Variants in ITGB3BP observed in about 807,000 individuals in gnomAD.
The protein encoded by ITGB3BP is integrin subunit beta 3 binding protein.
Under a neutral mutation model 29.1 loss-of-function variants are expected in ITGB3BP, and 27 were observed. The ratio of observed to expected loss-of-function variants is 0.93; its 90% CI spans 0.68 to 1.28. The LOEUF (loss-of-function observed/expected upper bound fraction) is 1.28. Among genes scored for constraint, ITGB3BP ranks in the 50% most tolerant of loss-of-function variants. ITGB3BP has a pLI of 0.00. For missense variants in ITGB3BP, 192 were observed against 200.2 expected (o/e 0.96, Z 0.25); for synonymous variants, 61 against 61.4 (o/e 0.99, Z 0.03).
intron 3 of ITGB3BP, among the ~76,000 whole-genome samples, chr1:63,488,128 A>G (rs1645567531): frequency 6.6e-6 from 1 of 152,106 alleles, no homozygotes; most frequent in Non-Finnish European, 1.5e-5. Context: ...GGATTTAAAT[A>G]TAATATTAAG....
intron 4 of ITGB3BP, among the ~76,000 whole-genome samples, chr1:63,455,769 T>A (rs115858139): frequency 0.012 from 1,791 of 152,270 alleles, 38 homozygotes; most frequent in African/African-American, 0.041. Flanking sequence ...CACAGCTGTT[T>A]GTGATAATCT....
At chr1:63,515,871 C>T (rs1315579424) in intron 1 of ITGB3BP, among the ~76,000 whole-genome samples, 1 of 148,260 alleles carries the variant, frequency 6.7e-6, no homozygotes, top group East Asian at 2.0e-4. Flanking sequence ...CCAGCAACCA[C>T]CACACTACTG....
At chr1:63,451,886 C>A (rs949870644) in intron 7 of ITGB3BP, 1 of 151,950 alleles carries the variant, frequency 6.6e-6, no homozygotes. Flanking sequence ...GAATATAACA[C>A]ACAGTAGTAT....
At chr1:63,479,356 A>G (rs1349057788) in intron 3 of ITGB3BP, among the ~76,000 whole-genome samples, 1 of 152,188 alleles carries the variant, frequency 6.6e-6, no homozygotes, top group Admixed American at 6.5e-5. Flanking sequence ...CAATATTTAC[A>G]GTGTATAACA....
chr1:63,489,521 T>C (rs1286780695), intron 3 of ITGB3BP, among the ~76,000 whole-genome samples: 1 of 151,704 alleles, frequency 6.6e-6, no homozygotes, highest in Non-Finnish European at 1.5e-5. Context: ...AAACTAATAA[T>C]ATTTTAAAAT....
rs115136352 is a variant in ITGB3BP at position 63,507,891 on chromosome 1, A to C, written c.48+637T>G. 4.4e-3 allele frequency among the ~76,000 whole-genome samples: 668 copies of C among 152,300 alleles called. 3 individuals are homozygous for C. The highest frequency in any genetic ancestry group is 6.9e-3 in the Non-Finnish European group (470 of 68,010). On this transcript the variant is annotated intron_variant, in intron 2 of 8. Coordinates refer to ENST00000271002, the MANE Select transcript of ITGB3BP (RefSeq NM_014288.5). ...CTGCATTTAAGATTACTGAGGTCAT[A>C]AGTATCTCAGTATTAGTGTTTCTAT...
At chr1:63,486,863 A>T (rs1465818161) in intron 3 of ITGB3BP, among the ~76,000 whole-genome samples, 1 of 152,036 alleles carries the variant, frequency 6.6e-6, no homozygotes, top group Non-Finnish European at 1.5e-5. Context: ...TTGTGCAGAG[A>T]TTATCAGCAT....
Position 63,450,740 on chromosome 1 carries a change from T to G in ITGB3BP, c.484+3178A>C, listed in dbSNP as rs573125876. Reference sequence around the variant, plus strand: ...CCAGTGTTATTGAAGAAAGCAAAATTAGGCTTATTTCCTAAGTAACTGAAG... The same window carrying G: ...CCAGTGTTATTGAAGAAAGCAAAATGAGGCTTATTTCCTAAGTAACTGAAG... On this transcript the variant is annotated intron_variant, in intron 7 of 8. Coordinates refer to ENST00000271002, the MANE Select transcript of ITGB3BP (RefSeq NM_014288.5). 3.9e-5 allele frequency among the ~76,000 whole-genome samples: 6 copies of G among 152,066 alleles called. No individual in the cohort carries two copies. In the South Asian group the frequency reaches 1.2e-3, roughly 32 times the overall value.
chr1:63,523,148 A>G lies in ITGB3BP; in HGVS notation c.-15T>C, dbSNP rs771302047. The G allele has an allele frequency of 1.2e-5, 19 of 1,614,120 alleles. No individual in the cohort carries two copies. In the South Asian group the frequency reaches 1.6e-4, roughly 14 times the overall value. On this transcript the variant is annotated 5_prime_UTR_variant, in exon 1 of 9. Coordinates refer to ENST00000271002, the MANE Select transcript of ITGB3BP (RefSeq NM_014288.5). ...ACCTACGGCATTCTGAGATTCGGGA[A>G]AGCACCACTGCCGCTGAATAAAACG... is the stretch of plus-strand genomic sequence containing the variant.
chr1:63,448,698 C>A (rs1644822440), intron 7 of ITGB3BP, among the ~76,000 whole-genome samples: 1 of 152,064 alleles, frequency 6.6e-6, no homozygotes, highest in Admixed American at 6.6e-5. Context: ...CCAATTTCTA[C>A]TAAATGTGCC....
chr1:63,494,129 T>C (rs1645729155), intron 2 of ITGB3BP, among the ~76,000 whole-genome samples: 2 of 152,178 alleles, frequency 1.3e-5, no homozygotes, highest in African/African-American at 4.8e-5. Flanking sequence ...GAGTACTAGA[T>C]ACCAACCAAC....
At chr1:63,478,699 C>A in intron 4 of ITGB3BP, 65 bp downstream of exon 4, 1 of 781,682 alleles carries the variant, frequency 1.3e-6, no homozygotes, top group Non-Finnish European at 2.1e-6. Flanking sequence ...TAAACGGTCA[C>A]TTTAACAAAT....
intron 2 of ITGB3BP, among the ~76,000 whole-genome samples, chr1:63,503,693 G>C (rs1454157735): frequency 6.6e-6 from 1 of 152,120 alleles, no homozygotes; most frequent in Non-Finnish European, 1.5e-5. Context: ...TTTTTTATAA[G>C]GTGTAAGGAA....
chr1:63,480,964 T>C (rs914846448), intron 3 of ITGB3BP, among the ~76,000 whole-genome samples: 5 of 152,254 alleles, frequency 3.3e-5, no homozygotes, highest in African/African-American at 1.2e-4. Context: ...ACCCAAATTG[T>C]ACCTTAAACC....
chr1:63,524,283 CAT>C (rs1230554804), upstream of ITGB3BP, among the ~76,000 whole-genome samples: 4 of 152,218 alleles, frequency 2.6e-5, no homozygotes, highest in Admixed American at 2.0e-4. Flanking sequence ...TGCATGCACA[CAT>C]ATGTGTTTAG....
At chr1:63,493,070 C>CCCCACACA (rs1553164223) in intron 2 of ITGB3BP, among the ~76,000 whole-genome samples, 1 of 146,774 alleles carries the variant, frequency 6.8e-6, no homozygotes, top group South Asian at 2.3e-4. Flanking sequence ...GTGGATCACA[C>CCCCACACA]CACACACACA....
At chr1:63,498,880 A>G (rs1461230012) in intron 2 of ITGB3BP, among the ~76,000 whole-genome samples, 2 of 152,084 alleles carry the variant, frequency 1.3e-5, no homozygotes, top group Non-Finnish European at 1.5e-5. Context: ...GAGTCAAATT[A>G]TAAAATCAGG....
chr1:63,519,695 A>C (rs1646407694), intron 1 of ITGB3BP, among the ~76,000 whole-genome samples: 2 of 152,090 alleles, frequency 1.3e-5, no homozygotes, highest in African/African-American at 4.8e-5. Flanking sequence ...TTGGCCTGAC[A>C]CATCATTCCA....
At chr1:63,471,914 A>G (rs1645203907) in intron 4 of ITGB3BP, among the ~76,000 whole-genome samples, 1 of 151,952 alleles carries the variant, frequency 6.6e-6, no homozygotes, top group Non-Finnish European at 1.5e-5. Flanking sequence ...CCTCCTGAGT[A>G]GCTGGGACTA....
Sources: allele counts gnomAD v4.1 joint callset (sites outside exome capture counted in the v4.1 genomes callset), GRCh38; gene constraint gnomAD v4.1.1; transcripts MANE v1.5; gene names NCBI Gene and HGNC (gene_info 2026-07-23, HGNC 2026-07-21).